The following GASK1A variants were observed in gnomAD, a reference collection of about 807,000 sequenced individuals.
GASK1A encodes golgi associated kinase 1A.
GASK1A carries 40 observed loss-of-function variants against 41.2 expected under a neutral mutation model. The observed-to-expected ratio is 0.97, with a 90% confidence interval of 0.75 to 1.27. The LOEUF is 1.27. Ranked by LOEUF, GASK1A falls within the 50% of genes most tolerant of loss-of-function variation. GASK1A has a pLI of 0.00. For synonymous variants in GASK1A, 316 were observed against 307.1 expected, an observed-to-expected ratio of 1.03 and a Z score of -0.30; for missense variants, 678 against 745.1, an observed-to-expected ratio of 0.91 and a Z score of 1.05.
At chr3:43,024,811 T>C (rs1013068063) in intron 1 of GASK1A, among the ~76,000 whole-genome samples, 4 of 152,198 alleles carry the variant, frequency 2.6e-5, no homozygotes, top group Admixed American at 1.3e-4. Context: ...AACCCATCCA[T>C]TGAGCGACAG....
intron 1 of GASK1A, among the ~76,000 whole-genome samples, chr3:43,030,189 T>C (rs1488252354): frequency 1.3e-5 from 2 of 152,224 alleles, no homozygotes; most frequent in Admixed American, 1.3e-4. Flanking sequence ...GTATTTTTAG[T>C]AGAGACAAAG....
intron 2 of GASK1A, among the ~76,000 whole-genome samples, chr3:43,048,565 A>C (rs1000259805): frequency 2.0e-5 from 3 of 152,242 alleles, no homozygotes; most frequent in Admixed American, 6.5e-5. Flanking sequence ...TGGGCAAGTG[A>C]GGCTGAACCC....
chr3:42,987,889 C>T (rs2089320498), intron 1 of GASK1A, among the ~76,000 whole-genome samples: 1 of 149,450 alleles, frequency 6.7e-6, no homozygotes, highest in South Asian at 2.1e-4. Flanking sequence ...GTCCCAGCTG[C>T]TTGGGAGGCT....
chr3:43,006,628 G>A (rs1320079913), intron 1 of GASK1A, among the ~76,000 whole-genome samples: 1 of 152,114 alleles, frequency 6.6e-6, no homozygotes, highest in Non-Finnish European at 1.5e-5. Context: ...CTGGAAACTT[G>A]GAGGATATTT....
chr3:43,033,157 T>TCCACA lies in GASK1A; in HGVS notation c.894_895insCCACA (p.Ala299ProfsTer23). On this transcript the variant is annotated frameshift_variant, in exon 2 of 5. Transcript: ENST00000430121. LOFTEE classifies it high-confidence loss of function. ...TACAGGTTGGCTTCTCCACTGAGGC[T>TCCACA]GCCCTTCAGGACCTGTCCTCTCCCA... 6.4e-7 allele frequency: 1 copy of TCCACA among 1,550,812 alleles called. No homozygotes were observed. Among genetic ancestry groups the TCCACA allele is most frequent in the Non-Finnish European group, 8.7e-7 (1 of 1,146,398 alleles).
Position 42,979,461 on chromosome 3 carries a change from G to T in GASK1A, c.-182G>T. The stretch of plus-strand genomic sequence containing the variant: ...GTGCAGCGATCTCCCGAGAGTTGGC[G>T]CAGGGCCACTTGGCTGCAGAGAACG... On this transcript the variant is annotated 5_prime_UTR_variant, in exon 1 of 5. Transcript: ENST00000430121. The T allele has an allele frequency of 3.8e-6, 2 of 525,156 alleles. No individual in the cohort carries two copies. Among genetic ancestry groups the T allele is most frequent in the Non-Finnish European group, 5.8e-6 (2 of 342,850 alleles). The allele number at this position is 525,156 out of a possible 1,614,324, so 32.5% of individuals were successfully genotyped here.
Position 43,005,207 on chromosome 3 carries a change from C to T in GASK1A, c.3+25562C>T, listed in dbSNP as rs113013869. 7.9e-3 allele frequency among the ~76,000 whole-genome samples: 1,206 copies of T among 152,254 alleles called. 20 individuals carry two copies. Among genetic ancestry groups the T allele is most frequent in the African/African-American group, 0.027 (1,141 of 41,528 alleles). On this transcript the variant is annotated intron_variant, in intron 1 of 4. Transcript: ENST00000430121. ...TTAATTTAATCACACCGTCCGAATC[C>T]CTCTAACCACATAAGGTAACTTGTT...
At chr3:43,005,375 A>ATT (rs1042667582) in intron 1 of GASK1A, among the ~76,000 whole-genome samples, 2 of 152,076 alleles carry the variant, frequency 1.3e-5, no homozygotes, top group Non-Finnish European at 2.9e-5. Context: ...GAAATACACA[A>ATT]TTTATGTTTT....
At chr3:43,004,685 A>G (rs1388211445) in intron 1 of GASK1A, among the ~76,000 whole-genome samples, 1 of 152,198 alleles carries the variant, frequency 6.6e-6, no homozygotes, top group East Asian at 1.9e-4. Flanking sequence ...TCTCCAGTAC[A>G]GACACATTAT....
intron 1 of GASK1A, among the ~76,000 whole-genome samples, chr3:43,027,718 A>G (rs2089552990): frequency 6.6e-6 from 1 of 152,226 alleles, no homozygotes. Flanking sequence ...TATAAGAAAT[A>G]TACACCAAAA....
At chr3:43,000,018 A>G (rs2089400919) in intron 1 of GASK1A, among the ~76,000 whole-genome samples, 1 of 152,180 alleles carries the variant, frequency 6.6e-6, no homozygotes, top group Non-Finnish European at 1.5e-5. Context: ...CACCCAGCTA[A>G]TCTAAGACAG....
At chr3:43,008,602 A>G (rs2089447974) in intron 1 of GASK1A, among the ~76,000 whole-genome samples, 1 of 152,230 alleles carries the variant, frequency 6.6e-6, no homozygotes, top group South Asian at 2.1e-4. Flanking sequence ...CTCAAGTGCC[A>G]GTCTTCTAAG....
At chr3:43,052,829 C>T (rs1381581924) in intron 2 of GASK1A, among the ~76,000 whole-genome samples, 1 of 152,164 alleles carries the variant, frequency 6.6e-6, no homozygotes, top group Non-Finnish European at 1.5e-5. Flanking sequence ...GGGGTAGACC[C>T]ACGATTCTTC....
At chr3:43,011,294 A>G (rs2089462346) in intron 1 of GASK1A, among the ~76,000 whole-genome samples, 4 of 151,616 alleles carry the variant, frequency 2.6e-5, no homozygotes, top group Admixed American at 2.6e-4. Context: ...AGGCAGGAGA[A>G]TCACTTGAAC....
rs559885826 is a variant in GASK1A at position 43,026,787 on chromosome 3, G to A, written c.4-5480G>A. Reference sequence around the variant, plus strand: ...AAGGAAGATAAAGGAGAGCCACCGTGTACATAATTGAAGAGCCTAAAGAAA... The same window carrying A: ...AAGGAAGATAAAGGAGAGCCACCGTATACATAATTGAAGAGCCTAAAGAAA... On this transcript the variant is annotated intron_variant, in intron 1 of 4. Transcript: ENST00000430121. Among the ~76,000 whole-genome samples, 244 of 150,504 alleles carry A rather than the reference G, an allele frequency of 1.6e-3. 2 individuals carry two copies. Among genetic ancestry groups the A allele is most frequent in the African/African-American group, 5.6e-3 (228 of 40,924 alleles).
At chr3:42,995,980 G>A (rs879595225) in intron 1 of GASK1A, among the ~76,000 whole-genome samples, 2 of 152,170 alleles carry the variant, frequency 1.3e-5, no homozygotes, top group African/African-American at 2.4e-5. Flanking sequence ...CTGGCCTGTG[G>A]TGTTCCCACA....
intron 2 of GASK1A, among the ~76,000 whole-genome samples, chr3:43,041,026 C>A (rs1042131682): frequency 1.3e-5 from 2 of 150,620 alleles, no homozygotes; most frequent in Admixed American, 1.3e-4. Flanking sequence ...TTTCCAATTT[C>A]ATCCATGTCC....
chr3:42,998,026 C>T (rs1408294331), intron 1 of GASK1A, among the ~76,000 whole-genome samples: 1 of 152,120 alleles, frequency 6.6e-6, no homozygotes, highest in Non-Finnish European at 1.5e-5. Flanking sequence ...TCCTGTCTGC[C>T]ATAGGTTGAG....
At chr3:43,017,824 G>T (rs2089500692) in intron 1 of GASK1A, among the ~76,000 whole-genome samples, 1 of 151,694 alleles carries the variant, frequency 6.6e-6, no homozygotes, top group South Asian at 2.1e-4. Flanking sequence ...GGAAGAGGCT[G>T]TGGGAAGTCA....
Sources: allele counts gnomAD v4.1 joint callset (sites outside exome capture counted in the v4.1 genomes callset), GRCh38; gene constraint gnomAD v4.1.1; transcripts MANE v1.5; gene names NCBI Gene and HGNC (gene_info 2026-07-23, HGNC 2026-07-21).